The following ST18 variants were observed in gnomAD, a reference collection of about 807,000 sequenced individuals.
The protein encoded by ST18 is suppression of tumorigenicity 18 protein.
ST18 carries 50 observed loss-of-function variants against 110.0 expected under a neutral mutation model. That is an observed-to-expected ratio of 0.45 (90% CI 0.36 to 0.58). The LOEUF (loss-of-function observed/expected upper bound fraction) is 0.58, where lower values mean the gene tolerates loss of function less well. Ranked by LOEUF, ST18 falls within the 20% of genes least tolerant of loss-of-function variation. The pLI is 0.00. For synonymous variants in ST18, 461 were observed against 452.4 expected, an observed-to-expected ratio of 1.02 and a Z score of -0.24; for missense variants, 1,306 against 1,280.1, an observed-to-expected ratio of 1.02 and a Z score of -0.31.
intron 8 of ST18, among the ~76,000 whole-genome samples, chr8:52,205,714 C>T (rs966311752): frequency 7.9e-5 from 12 of 152,122 alleles, no homozygotes; most frequent in Middle Eastern, 6.8e-3. Flanking sequence ...ATTACAGGTG[C>T]GTGCCACCAC....
intron 2 of ST18, among the ~76,000 whole-genome samples, chr8:52,233,096 A>T (rs1048433644): frequency 4.6e-5 from 7 of 152,198 alleles, no homozygotes; most frequent in African/African-American, 1.7e-4. Flanking sequence ...GGATAATAAT[A>T]TCACAAATAA....
At chr8:52,343,624 A>G (rs989337566) in intron 2 of ST18, among the ~76,000 whole-genome samples, 3 of 152,174 alleles carry the variant, frequency 2.0e-5, no homozygotes, top group Non-Finnish European at 4.4e-5. Flanking sequence ...TCACACAGAG[A>G]GTCACTTGTA....
At chr8:52,133,031 C>G in intron 21 of ST18, 26 bp downstream of exon 21, 1 of 1,610,752 alleles carries the variant, frequency 6.2e-7, no homozygotes, top group Non-Finnish European at 8.5e-7. Context: ...GACAGCTGAC[C>G]CCCATGTCTC....
At chr8:52,305,364 A>T (rs1453584252) in intron 2 of ST18, among the ~76,000 whole-genome samples, 1 of 152,164 alleles carries the variant, frequency 6.6e-6, no homozygotes, top group African/African-American at 2.4e-5. Flanking sequence ...GCAGTGCATG[A>T]GTACTAAGCT....
chr8:52,157,533 A>C (rs1030407898), intron 15 of ST18, among the ~76,000 whole-genome samples: 5 of 152,226 alleles, frequency 3.3e-5, no homozygotes, highest in Non-Finnish European at 7.3e-5. Context: ...AAATGAATTT[A>C]AAAATAAAGT....
chr8:52,272,884 A>T (rs1241714711), intron 2 of ST18, among the ~76,000 whole-genome samples: 2 of 152,194 alleles, frequency 1.3e-5, no homozygotes, highest in Non-Finnish European at 2.9e-5. Context: ...ATCAAATAAT[A>T]AGATGGAAAT....
chr8:52,309,570 T>C (rs1316762974), intron 2 of ST18, among the ~76,000 whole-genome samples: 1 of 146,516 alleles, frequency 6.8e-6, no homozygotes, highest in Non-Finnish European at 1.5e-5. Flanking sequence ...ATGGAAACTA[T>C]GAAATATGAG....
intron 19 of ST18, among the ~76,000 whole-genome samples, chr8:52,134,510 G>A (rs2051155284): frequency 6.6e-6 from 1 of 152,124 alleles, no homozygotes; most frequent in South Asian, 2.1e-4. Context: ...AAAGAAAAAT[G>A]TGTTTACTAT....
At chr8:52,119,036 T>A (rs1346158) in intron 23 of ST18, among the ~76,000 whole-genome samples, 37,275 of 152,068 alleles carry the variant, frequency 0.25, 4,949 homozygotes, top group East Asian at 0.44. Flanking sequence ...CACATTGGCA[T>A]AGTCTTCCAC....
At chr8:52,147,586 A>G (rs1028454079) in intron 16 of ST18, among the ~76,000 whole-genome samples, 1 of 152,058 alleles carries the variant, frequency 6.6e-6, no homozygotes, top group Non-Finnish European at 1.5e-5. Flanking sequence ...AATCATAAGG[A>G]TGAGTGCAGA....
At chr8:52,295,453 T>A (rs1398302274) in intron 2 of ST18, among the ~76,000 whole-genome samples, 1 of 152,116 alleles carries the variant, frequency 6.6e-6, no homozygotes, top group African/African-American at 2.4e-5. Flanking sequence ...GAGAAAAAAA[T>A]TTTAATGACC....
intron 5 of ST18, among the ~76,000 whole-genome samples, chr8:52,219,631 A>C (rs1283857010): frequency 6.6e-6 from 1 of 152,154 alleles, no homozygotes; most frequent in African/African-American, 2.4e-5. Context: ...TGTAAATACC[A>C]AACTCAAAGG....
chr8:52,265,368 AAGTTATGG>A (rs2094835344), intron 2 of ST18, among the ~76,000 whole-genome samples: 1 of 136,690 alleles, frequency 7.3e-6, no homozygotes, highest in African/African-American at 3.7e-5. Flanking sequence ...GTGTGATGGG[AAGTTATGG>A]GAGGGCTCCA....
At chr8:52,232,515 G>C (rs1342457790) in intron 2 of ST18, among the ~76,000 whole-genome samples, 1 of 152,064 alleles carries the variant, frequency 6.6e-6, no homozygotes, top group Non-Finnish European at 1.5e-5. Flanking sequence ...AGTAAATTCT[G>C]ACTTACTTTC....
At chr8:52,297,483 A>G (rs572634096) in intron 2 of ST18, among the ~76,000 whole-genome samples, 27 of 152,238 alleles carry the variant, frequency 1.8e-4, no homozygotes, top group Non-Finnish European at 3.1e-4. Flanking sequence ...AGACAAATTA[A>G]AAAATAAAAA....
intron 2 of ST18, among the ~76,000 whole-genome samples, chr8:52,387,163 G>GT (rs1837117653): frequency 6.9e-6 from 1 of 144,432 alleles, no homozygotes; most frequent in African/African-American, 2.6e-5. Context: ...CTTCCTTTTG[G>GT]TTTTTTGTCT....
chr8:52,130,025 G>A (rs954868155), intron 22 of ST18, among the ~76,000 whole-genome samples: 6 of 150,976 alleles, frequency 4.0e-5, no homozygotes, highest in Non-Finnish European at 7.4e-5. Flanking sequence ...CAGCATGGGC[G>A]ACAGAGTGAG....
intron 2 of ST18, among the ~76,000 whole-genome samples, chr8:52,347,299 G>A (rs1818210055): frequency 6.6e-6 from 1 of 152,180 alleles, no homozygotes; most frequent in Admixed American, 6.5e-5. Flanking sequence ...ACTACAAGAT[G>A]GAATGCAGAC....
chr8:52,119,651 T>G (rs1222044221), intron 23 of ST18, among the ~76,000 whole-genome samples: 1 of 152,136 alleles, frequency 6.6e-6, no homozygotes, highest in Non-Finnish European at 1.5e-5. Context: ...GCATAAGGTG[T>G]ACACAGCAGT....
Sources: gnomAD v4.1 joint callset for allele counts (sites outside exome capture counted in the v4.1 genomes callset) on GRCh38, gnomAD v4.1.1 for gene constraint, MANE v1.5 for transcripts, NCBI Gene and HGNC (gene_info 2026-07-23, HGNC 2026-07-21) for gene names.